Variants in CDH13 observed in about 807,000 individuals in gnomAD.
CDH13 encodes the protein cadherin 13.
A neutral mutation model predicts 63.8 loss-of-function variants in CDH13; 24 were observed. That is an observed-to-expected ratio of 0.38 (90% CI 0.27 to 0.53). The LOEUF (loss-of-function observed/expected upper bound fraction) is 0.53. CDH13 is among the 20% of genes least tolerant of loss of function. The probability of loss-of-function intolerance (pLI) is 0.85; values close to 1 mark genes in which losing one functional copy is unlikely to be tolerated. For missense variants in CDH13, 1,049 were observed against 903.1 expected (o/e 1.16, Z -2.07); for synonymous variants, 503 against 355.3 (o/e 1.42, Z -4.67).
chr16:83,410,767 C>A (rs1212792940), intron 6 of CDH13, among the ~76,000 whole-genome samples: 1 of 152,118 alleles, frequency 6.6e-6, no homozygotes, highest in East Asian at 1.9e-4. Context: ...GTAACTGAGT[C>A]GTTGGCAATC....
chr16:83,150,769 G>T (rs1597423708), intron 4 of CDH13, among the ~76,000 whole-genome samples: 1 of 152,210 alleles, frequency 6.6e-6, no homozygotes, highest in Admixed American at 6.5e-5. Context: ...CAGGACAGAT[G>T]CTTGATGAGG....
At chr16:82,711,758 C>G (rs372168149) in intron 1 of CDH13, among the ~76,000 whole-genome samples, 1 of 152,206 alleles carries the variant, frequency 6.6e-6, no homozygotes, top group Non-Finnish European at 1.5e-5. Flanking sequence ...AGTTCAGACA[C>G]TCAGGAAATA....
intron 4 of CDH13, among the ~76,000 whole-genome samples, chr16:83,157,526 A>C (rs74031408): frequency 6.6e-6 from 1 of 152,158 alleles, no homozygotes; most frequent in Non-Finnish European, 1.5e-5. Context: ...CACATCATTT[A>C]AGGGAACTAG....
intron 10 of CDH13, among the ~76,000 whole-genome samples, chr16:83,700,320 A>T (rs958637147): frequency 2.0e-5 from 3 of 152,236 alleles, no homozygotes; most frequent in African/African-American, 7.2e-5. Flanking sequence ...CCCCACCTCG[A>T]AAGAACTTCA....
At chr16:82,903,592 T>G (rs764787319) in intron 2 of CDH13, among the ~76,000 whole-genome samples, 2 of 152,212 alleles carry the variant, frequency 1.3e-5, no homozygotes, top group Non-Finnish European at 2.9e-5. Context: ...TATTCTGGTG[T>G]TTTAGTCGTG....
chr16:82,783,952 G>A (rs1324873697), intron 1 of CDH13, among the ~76,000 whole-genome samples: 1 of 152,174 alleles, frequency 6.6e-6, no homozygotes, highest in African/African-American at 2.4e-5. Flanking sequence ...AATACTTAAT[G>A]TTAGAAATTC....
intron 8 of CDH13, among the ~76,000 whole-genome samples, chr16:83,654,341 TG>T (rs1912672440): frequency 6.6e-6 from 1 of 152,120 alleles, no homozygotes; most frequent in African/African-American, 2.4e-5. Context: ...GGGGTTTATC[TG>T]AACATTAGGG....
At chr16:83,375,460 A>AGT (rs1177447922) in intron 6 of CDH13, among the ~76,000 whole-genome samples, 14 of 152,202 alleles carry the variant, frequency 9.2e-5, no homozygotes, top group African/African-American at 3.1e-4. Flanking sequence ...ACATCTTATG[A>AGT]GTATCTGTTG....
intron 2 of CDH13, among the ~76,000 whole-genome samples, chr16:82,999,904 A>G (rs1191619235): frequency 6.6e-6 from 1 of 152,106 alleles, no homozygotes; most frequent in Non-Finnish European, 1.5e-5. Context: ...TCACCCCCTG[A>G]GGGCATTTGG....
intron 6 of CDH13, among the ~76,000 whole-genome samples, chr16:83,387,873 T>G (rs2091705823): frequency 6.6e-6 from 1 of 152,226 alleles, no homozygotes; most frequent in African/African-American, 2.4e-5. Flanking sequence ...CAAGTGCTAG[T>G]TTGAGTTAAT....
intron 7 of CDH13, among the ~76,000 whole-genome samples, chr16:83,582,513 C>G (rs1442146326): frequency 1.3e-5 from 2 of 152,100 alleles, no homozygotes; most frequent in Non-Finnish European, 2.9e-5. Context: ...GTAGAGAAAG[C>G]AAAGCAGGCT....
chr16:83,346,716 A>G (rs1487722040), intron 6 of CDH13, among the ~76,000 whole-genome samples: 1 of 152,196 alleles, frequency 6.6e-6, no homozygotes, highest in Non-Finnish European at 1.5e-5. Context: ...TATACATGTA[A>G]TATTTTTTGA....
intron 5 of CDH13, among the ~76,000 whole-genome samples, chr16:83,311,425 C>G (rs1411710559): frequency 6.6e-6 from 1 of 152,238 alleles, no homozygotes; most frequent in Non-Finnish European, 1.5e-5. Flanking sequence ...TCTCTCCAAT[C>G]CTTTTTCTTC....
intron 10 of CDH13, among the ~76,000 whole-genome samples, chr16:83,679,107 T>TAATAAC (rs1427306121): frequency 1.3e-5 from 2 of 151,794 alleles, no homozygotes; most frequent in African/African-American, 4.8e-5. Context: ...TTAATAATAA[T>TAATAAC]AATGTCTTCA....
chr16:83,572,562 G>A (rs1276132457), intron 7 of CDH13, among the ~76,000 whole-genome samples: 1 of 152,176 alleles, frequency 6.6e-6, no homozygotes, highest in Admixed American at 6.5e-5. Context: ...TCAGTACTGA[G>A]CACAGTGCCT....
intron 1 of CDH13, among the ~76,000 whole-genome samples, chr16:82,781,696 C>G (rs145484736): frequency 6.6e-6 from 1 of 152,192 alleles, no homozygotes; most frequent in South Asian, 2.1e-4. Context: ...ACTTACCTCC[C>G]CTCTCATCCA....
rs1481847116 is a variant in CDH13, at chr16:83,184,121, CACACAT to C, written c.484-33218_484-33213del. Among the ~76,000 whole-genome samples the C allele has an allele frequency of 1.2e-3, 168 of 140,882 alleles. 1 individual carries two copies. Among genetic ancestry groups the C allele is most frequent in the African/African-American group, 3.8e-3 (138 of 36,302 alleles). The allele number at this position is 140,882 out of a possible 152,430, so 92.4% of individuals were successfully genotyped here. A position where few individuals can be genotyped will look rare whatever the true frequency, so the allele number is the denominator to read the frequency against. ...ACACACACACACACACACACACACA[CACACAT>C]ACACACACACACAACTAGTAAAAAA... On this transcript the variant is annotated intron_variant, in intron 4 of 13. Transcript: ENST00000567109.
chr16:82,722,741 A>T (rs922497032), intron 1 of CDH13, among the ~76,000 whole-genome samples: 2 of 152,252 alleles, frequency 1.3e-5, no homozygotes, highest in East Asian at 1.9e-4. Flanking sequence ...TCCTGCAGGA[A>T]GTTCAGGAGT....
At chr16:82,906,743 TC>T (rs1037227152) in intron 2 of CDH13, among the ~76,000 whole-genome samples, 3 of 152,124 alleles carry the variant, frequency 2.0e-5, no homozygotes, top group African/African-American at 7.2e-5. Flanking sequence ...CTCCGAAGGC[TC>T]CAGGGGAGGA....
Sources: gnomAD v4.1 joint callset for allele counts (sites outside exome capture counted in the v4.1 genomes callset) on GRCh38, gnomAD v4.1.1 for gene constraint, MANE v1.5 for transcripts, NCBI Gene and HGNC (gene_info 2026-07-23, HGNC 2026-07-21) for gene names.